Variants in QTMAN observed in about 807,000 individuals in gnomAD.
QTMAN encodes tRNA-queuosine alpha-mannosyltransferase.
the QTMAN span, among the ~76,000 whole-genome samples, chr2:144,228,679 C>T: frequency 3.3e-5 from 5 of 152,272 alleles, no homozygotes; most frequent in African/African-American, 9.6e-5. Flanking sequence ...AAATGAAAGG[C>T]CAGGCGCAGT....
At chr2:144,200,021 T>C in the QTMAN span, among the ~76,000 whole-genome samples, 11 of 152,218 alleles carry the variant, frequency 7.2e-5, no homozygotes, top group African/African-American at 2.7e-4. Context: ...AACTCTTTTA[T>C]GTATATATAC....
the QTMAN span, among the ~76,000 whole-genome samples, chr2:143,956,559 T>G: frequency 1.3e-5 from 2 of 152,150 alleles, no homozygotes; most frequent in East Asian, 3.8e-4. Context: ...TGATTCAATT[T>G]TTGTCAGATT....
At chr2:144,110,554 T>C in the QTMAN span, among the ~76,000 whole-genome samples, 3 of 151,610 alleles carry the variant, frequency 2.0e-5, no homozygotes, top group Admixed American at 6.6e-5. Flanking sequence ...AAATAAAAAA[T>C]AAATAAATAA....
the QTMAN span, among the ~76,000 whole-genome samples, chr2:144,111,893 A>C: frequency 5.3e-5 from 8 of 152,330 alleles, no homozygotes; most frequent in East Asian, 1.3e-3. Flanking sequence ...CAATAAGCAA[A>C]ATAATCATGA....
chr2:144,069,510 G>C, the QTMAN span, among the ~76,000 whole-genome samples: 1 of 151,954 alleles, frequency 6.6e-6, no homozygotes, highest in East Asian at 1.9e-4. Context: ...TCAAAGCTTT[G>C]TTCTTGATGA....
chr2:144,294,601 ATT>A, the QTMAN span: 4,122 of 151,140 alleles, frequency 0.027, 174 homozygotes, highest in African/African-American at 0.095. Flanking sequence ...AGGATGTTTC[ATT>A]TTGTGTGTGT....
At chr2:144,029,969 T>C in the QTMAN span, among the ~76,000 whole-genome samples, 1,148 of 152,312 alleles carry the variant, frequency 7.5e-3, 18 homozygotes, top group African/African-American at 0.026. Flanking sequence ...AAGGAGCTCA[T>C]AGATTTCACC....
the QTMAN span, among the ~76,000 whole-genome samples, chr2:144,315,988 A>T: frequency 1.3e-5 from 2 of 152,110 alleles, no homozygotes; most frequent in Non-Finnish European, 2.9e-5. Context: ...AAAAAACATA[A>T]CCAGATCATC....
chr2:144,005,760 T>C, the QTMAN span: 42 of 152,290 alleles, frequency 2.8e-4, no homozygotes, highest in African/African-American at 8.7e-4. Context: ...TTATTCAATT[T>C]AGTATTGTTA....
At chr2:144,290,836 C>T in the QTMAN span, among the ~76,000 whole-genome samples, 1 of 152,310 alleles carries the variant, frequency 6.6e-6, no homozygotes, top group Non-Finnish European at 1.5e-5. Context: ...AACCAGACCC[C>T]TATACCTCTC....
At chr2:144,323,009 C>G in the QTMAN span, among the ~76,000 whole-genome samples, 2 of 152,160 alleles carry the variant, frequency 1.3e-5, no homozygotes, top group Non-Finnish European at 2.9e-5. Context: ...TTTTAATTTT[C>G]ACTTGAAAGT....
At chr2:144,141,310 C>T in the QTMAN span, among the ~76,000 whole-genome samples, 1 of 151,268 alleles carries the variant, frequency 6.6e-6, no homozygotes, top group African/African-American at 2.4e-5. Context: ...GTGGGCCCAG[C>T]AGCAAGGGTA....
chr2:143,979,854 T>C, the QTMAN span, among the ~76,000 whole-genome samples: 137 of 152,350 alleles, frequency 9.0e-4, no homozygotes, highest in South Asian at 4.8e-3. Context: ...TCTAGCTCTT[T>C]CTGTAACATT....
At chr2:144,250,770 A>C in the QTMAN span, among the ~76,000 whole-genome samples, 58 of 151,802 alleles carry the variant, frequency 3.8e-4, no homozygotes, top group African/African-American at 1.3e-3. Flanking sequence ...AAAAAAAAAA[A>C]AACCTGTGCC....
the QTMAN span, among the ~76,000 whole-genome samples, chr2:144,071,579 G>C: frequency 3.9e-5 from 6 of 152,234 alleles, no homozygotes; most frequent in South Asian, 1.0e-3. Flanking sequence ...CACGTTCCAC[G>C]AAGCAGCCCT....
the QTMAN span, among the ~76,000 whole-genome samples, chr2:144,302,783 G>A: frequency 6.6e-6 from 1 of 152,148 alleles, no homozygotes; most frequent in Non-Finnish European, 1.5e-5. Context: ...ACTAGTATCT[G>A]TAACCAGTAA....
the QTMAN span, among the ~76,000 whole-genome samples, chr2:144,263,061 GGC>G: frequency 2.6e-5 from 4 of 151,584 alleles, no homozygotes; most frequent in Admixed American, 1.3e-4. Context: ...TGTAGACCAT[GGC>G]TCACGACCCA....
the QTMAN span, among the ~76,000 whole-genome samples, chr2:144,072,593 T>C: frequency 6.6e-6 from 1 of 152,158 alleles, no homozygotes; most frequent in African/African-American, 2.4e-5. Context: ...AAGAAGCAAG[T>C]CTGTTTAGAA....
At chr2:144,064,689 C>T in the QTMAN span, among the ~76,000 whole-genome samples, 1 of 152,100 alleles carries the variant, frequency 6.6e-6, no homozygotes, top group African/African-American at 2.4e-5. Flanking sequence ...TAAAAAATGC[C>T]ATGTATGTTG....
Sources: allele counts gnomAD v4.1 joint callset (sites outside exome capture counted in the v4.1 genomes callset), GRCh38; gene constraint gnomAD v4.1.1; transcripts MANE v1.5; gene names NCBI Gene and HGNC (gene_info 2026-07-23, HGNC 2026-07-21).